Variants in DDX5 observed in about 807,000 individuals in gnomAD.
DDX5 encodes DEAD-box helicase 5, also known as probable ATP-dependent RNA helicase DDX5.
Under a neutral mutation model 68.6 loss-of-function variants are expected in DDX5, and 6 were observed. The observed-to-expected ratio is 0.09, with a 90% CI of 0.05 to 0.17. DDX5 has a LOEUF of 0.17. DDX5 is among the 10% of genes least tolerant of loss of function. DDX5 has a pLI of 1.00. For missense variants in DDX5, 499 were observed against 756.1 expected (o/e 0.66, Z 3.99); for synonymous variants, 350 against 247.0 (o/e 1.42, Z -3.91).
Position 64,503,511 on chromosome 17 carries a change from A to T in DDX5, c.568T>A (p.Tyr190Asn), listed in dbSNP as rs200672228. 6.2e-7 allele frequency: 1 copy of T among 1,614,234 alleles called. No homozygotes were observed. Among genetic ancestry groups the T allele is most frequent in the South Asian group, 1.1e-5 (1 of 91,088 alleles). ...AQQVQQVAAE[Y>N]CRACRLKSTC... ...GACTTCAAGCGACATGCTCTACAAT[A>T]TTCAGCAGCTACTTGCTGCACCTGT... The change falls in exon 6 of 13, where the codon TAT becomes AAT. Residue 190 changes from tyrosine (Y) to asparagine (N), a missense_variant. Around this residue, in one of 5 missense-constraint regions of DDX5, gnomAD observed 141 missense variants for 279.8 expected, o/e 0.50. Transcript: ENST00000225792.
At chr17:64,506,020 A>ACCCCCCCCCCCCC in intron 1 of DDX5, 56 bp downstream of exon 1, 1 of 868,082 alleles carries the variant, frequency 1.2e-6, no homozygotes, top group Non-Finnish European at 1.7e-6. Context: ...CGCCACCCTG[A>ACCCCCCCCCCCCC]CCCGCCCTCC....
intron 9 of DDX5, 22 bp from the exon 10 acceptor site, chr17:64,502,245 GTTA>G (rs200888298): frequency 1.9e-6 from 3 of 1,613,166 alleles, no homozygotes; most frequent in South Asian, 2.2e-5. Context: ...GACAAGTTGT[GTTA>G]TTAAACTCAC....
chr17:64,504,169 G>A lies in DDX5; in HGVS notation c.307+53C>T, dbSNP rs117116828. Reference sequence around the variant, plus strand: ...AAATTAGTGATGCCAAGAAAAAGAGGGGGTAGGTGGAAACAAAAACACGGG... The same window carrying A: ...AAATTAGTGATGCCAAGAAAAAGAGAGGGTAGGTGGAAACAAAAACACGGG... On this transcript the variant is annotated intron_variant, in intron 3 of 12. Transcript: ENST00000225792. The A allele has an allele frequency of 8.9e-3, 14,299 of 1,612,156 alleles. 87 individuals are homozygous for A. Among genetic ancestry groups the A allele is most frequent in the Non-Finnish European group, 0.01 (12,332 of 1,178,272 alleles).
Position 64,500,052 on chromosome 17 carries a change from A to C in DDX5, c.1716T>G (p.Asp572Glu). The C allele has an allele frequency of 6.2e-7, 1 of 1,614,236 alleles. No individual in the cohort carries two copies. The highest frequency in any genetic ancestry group is 2.2e-5 in the East Asian group (1 of 44,892). ...NPTGTYQNGY[D>E]STQQYGSNVP... Reference sequence around the variant, plus strand: ...CATTACTTCCGTATTGCTGAGTGCTATCATAACCATTCTGGTAAGTCCCTG... The same window carrying C: ...CATTACTTCCGTATTGCTGAGTGCTCTCATAACCATTCTGGTAAGTCCCTG... The change falls in exon 13 of 13, where the codon GAT (aspartate) becomes GAG (glutamate). Residue 572 changes from aspartate to glutamate, a missense_variant. Asp to Glu is a conservative substitution (Grantham distance 45). This residue lies in a region of DDX5 where 171 missense variants were observed against 174.8 expected (regional missense o/e 0.98). Coordinates refer to ENST00000225792, the MANE Select transcript of DDX5 (RefSeq NM_004396.5).
At chr17:64,501,227 A>G (rs2038290576) in intron 11 of DDX5, 1 of 169,024 alleles carries the variant, frequency 5.9e-6, no homozygotes. Context: ...TTGTCTTGCC[A>G]AGACCTTACA....
In DDX5 at chr17:64,506,127, A is replaced by G. The variant is rs782707384; in HGVS notation, c.-8T>C. 4.3e-6 allele frequency: 7 copies of G among 1,610,918 alleles called. No individual in the cohort carries two copies. The highest frequency in any genetic ancestry group is 2.2e-5 in the East Asian group (1 of 44,792). The stretch of plus-strand genomic sequence containing the variant: ...ACTCGAATAACCCGACATGGCGTCA[A>G]TGGTTGCGGTTGGCGGGGAACGAAG... On this transcript the variant is annotated 5_prime_UTR_variant, in exon 1 of 13. Transcript: ENST00000225792.
In DDX5 at chr17:64,503,965, G is replaced by A. The variant is rs782594055; in HGVS notation, c.441+18C>T. The A allele has an allele frequency of 6.2e-7, 1 of 1,613,962 alleles. No individual in the cohort carries two copies. On this transcript the variant is annotated intron_variant, in intron 4 of 12. Transcript: ENST00000225792. ...TCTTGCATATATCAGATCAACTCAA[G>A]AGTTCTCCCAAACTTACAGACAATG...
In DDX5 at chr17:64,504,825, A is replaced by C. The variant is rs782215315; in HGVS notation, c.62T>G (p.Phe21Cys). The stretch of plus-strand genomic sequence containing the variant: ...TAAGGGCCCTGCCCTACTTCCTCCA[A>C]ATCGAGGTGCACCAAACCTGGAATG... ...GRDRGFGAPR[F>C]GGSRAGPLSG... Residue 21 changes from phenylalanine (F) to cysteine (C), a missense_variant, in exon 2 of 13, where the codon TTT (phenylalanine) becomes TGT (cysteine). Around this residue, in one of 5 missense-constraint regions of DDX5, gnomAD observed 140 missense variants for 135.7 expected, o/e 1.03. Coordinates refer to ENST00000225792, the MANE Select transcript of DDX5 (RefSeq NM_004396.5). 5.6e-6 allele frequency: 9 copies of C among 1,603,744 alleles called. No individual in the cohort carries two copies. In the East Asian group the frequency reaches 2.0e-4, roughly 36 times the overall value.
At chr17:64,501,427 G>A (rs1555671073) in intron 11 of DDX5, 14 of 156,490 alleles carry the variant, frequency 8.9e-5, no homozygotes. Context: ...CACTTACTAT[G>A]TGTGAGAAGT....
chr17:64,500,619 G>A lies in DDX5; in HGVS notation c.1371C>T (p.Ile457=), dbSNP rs1555670916. ...PNNIKQVSDL[I]SVLREANQAI... ...CTTGATTAGCTTCACGAAGCACAGA[G>A]ATAAGGTCGCTCACTTGCTTTATGT... The change falls in exon 12 of 13, where the codon ATC becomes ATT. Residue 457 remains isoleucine, a synonymous_variant. Coordinates refer to ENST00000225792, the MANE Select transcript of DDX5 (RefSeq NM_004396.5). The A allele has an allele frequency of 2.5e-6, 4 of 1,614,090 alleles. No individual in the cohort carries two copies. The highest frequency in any genetic ancestry group is 2.2e-5 in the East Asian group (1 of 44,898).
intron 8 of DDX5, 120 bp downstream of exon 8, chr17:64,502,806 A>C (rs2038333077): frequency 2.0e-6 from 2 of 1,024,584 alleles, no homozygotes; most frequent in South Asian, 3.5e-5. Flanking sequence ...CAGGATTAGT[A>C]GGCTAACTAA....
upstream of DDX5, chr17:64,506,443 C>A (rs1445895060): frequency 7.5e-7 from 1 of 1,331,066 alleles, no homozygotes; most frequent in African/African-American, 1.5e-5. Context: ...TTCACCCCTC[C>A]CCGCGCCACT....
upstream of DDX5, chr17:64,506,677 A>ATG: frequency 4.5e-6 from 1 of 223,598 alleles, no homozygotes; most frequent in Non-Finnish European, 8.0e-6. Flanking sequence ...TGGCTGTACC[A>ATG]CCCCGGACCA....
In DDX5 at chr17:64,502,443, C is replaced by G; in HGVS notation, c.1090G>C (p.Asp364His). 6.2e-7 allele frequency: 1 copy of G among 1,608,100 alleles called. No individual in the cohort carries two copies. The highest frequency in any genetic ancestry group is 8.5e-7 in the Non-Finnish European group (1 of 1,174,596). ...AATGGAGGAGCTCACACATACCCAT[C>G]TCTCCTCATTTTTCTGGTAAGCTCA... Reference protein sequence around the residue: ...CDELTRKMRRDGWPAMGIHGD... With the variant: ...CDELTRKMRRHGWPAMGIHGD... The change falls in exon 9 of 13, where the codon GAT becomes CAT. Residue 364 changes from aspartate to histidine, a missense_variant. Physicochemically the swap from Asp to His is moderately conservative, Grantham distance 81 (BLOSUM62 -1). Coordinates refer to ENST00000225792, the MANE Select transcript of DDX5 (RefSeq NM_004396.5).
Position 64,505,989 on chromosome 17 carries a change from A to C in DDX5, c.44+87T>G, listed in dbSNP as rs369372084. ...AGATAGCCCGGAAAGGCCAAGTCCA[A>C]GCCGCAAAGCCCCCGCCGGCCGCCA... On this transcript the variant is annotated intron_variant, in intron 1 of 12. Coordinates refer to ENST00000225792, the MANE Select transcript of DDX5 (RefSeq NM_004396.5). The C allele has an allele frequency of 1.6e-4, 247 of 1,542,640 alleles. 4 individuals carry two copies. In the East Asian group the frequency reaches 3.3e-3, roughly 21 times the overall value.
chr17:64,505,278 G>T (rs940221118), intron 1 of DDX5: 5 of 280,062 alleles, frequency 1.8e-5, no homozygotes, highest in East Asian at 7.4e-5. Context: ...AGCTTTAGTG[G>T]TAAGAACCTA....
Position 64,506,248 on chromosome 17 carries a change from G to C in DDX5, c.-129C>G, listed in dbSNP as rs1187106739. The stretch of plus-strand genomic sequence containing the variant: ...CGGAGGAAGGACACCGATGACACCA[G>C]CCGAAGCTGCACTACTAGAGACCGG... On this transcript the variant is annotated 5_prime_UTR_variant, in exon 1 of 13. Transcript: ENST00000225792. 6.5e-7 allele frequency: 1 copy of C among 1,548,106 alleles called. No individual in the cohort carries two copies. The highest frequency in any genetic ancestry group is 2.4e-5 in the East Asian group (1 of 41,056).
chr17:64,506,413 C>G, upstream of DDX5: 2 of 1,386,738 alleles, frequency 1.4e-6, no homozygotes, highest in Non-Finnish European at 9.4e-7. Flanking sequence ...CGCCCGCTGG[C>G]GTTCCAGGAT....
chr17:64,504,875 A>C (rs1555671863), intron 1 of DDX5, 33 bp from the exon 2 acceptor site: 3 of 1,582,648 alleles, frequency 1.9e-6, no homozygotes, highest in South Asian at 2.3e-5. Context: ...TCACATTTTC[A>C]AATGGCTATA....
Sources: gnomAD v4.1 joint callset for allele counts on GRCh38, gnomAD v4.1.1 for gene constraint, gnomAD v4.1.1 regional missense constraint, MANE v1.5 for transcripts, NCBI Gene and HGNC (gene_info 2026-07-23, HGNC 2026-07-21) for gene names.